The following DCUN1D1 variants were observed in gnomAD, a reference collection of about 807,000 sequenced individuals.
DCUN1D1 encodes DCN1-like protein 1.
Under a neutral mutation model 39.0 loss-of-function variants are expected in DCUN1D1, and 3 were observed. The ratio of observed to expected loss-of-function variants is 0.08; its 90% CI spans 0.04 to 0.20. The LOEUF (loss-of-function observed/expected upper bound fraction) is 0.20. DCUN1D1 is among the 10% of genes least tolerant of loss of function. The pLI is 1.00. For synonymous variants in DCUN1D1, 82 were observed against 96.3 expected (o/e 0.85, Z 0.87); for missense variants, 158 against 302.4 (o/e 0.52, Z 3.54).
At chr3:182,976,867 A>G (rs1307554472) in intron 1 of DCUN1D1, among the ~76,000 whole-genome samples, 1 of 152,226 alleles carries the variant, frequency 6.6e-6, no homozygotes, top group Non-Finnish European at 1.5e-5. Flanking sequence ...AACCTCCTTT[A>G]TTTGTAGACA....
chr3:182,984,618 A>T (rs1728667271), upstream of DCUN1D1, among the ~76,000 whole-genome samples: 1 of 151,998 alleles, frequency 6.6e-6, no homozygotes, highest in South Asian at 2.1e-4. Flanking sequence ...CAACACATAC[A>T]CACACACTCC....
At chr3:182,947,198 G>A (rs944387341) in intron 6 of DCUN1D1, 40 bp downstream of exon 6, 4 of 1,090,170 alleles carry the variant, frequency 3.7e-6, no homozygotes, top group East Asian at 2.5e-5. Context: ...GGATAAAAAG[G>A]CACATTAAAA....
At chr3:182,973,683 T>G (rs1278516323) in intron 1 of DCUN1D1, among the ~76,000 whole-genome samples, 2 of 151,796 alleles carry the variant, frequency 1.3e-5, no homozygotes, top group Non-Finnish European at 2.9e-5. Flanking sequence ...GGCGTGCGCC[T>G]GTAACCCCAG....
chr3:182,940,386 ATTGT>A lies in DCUN1D1; in HGVS notation c.*4704_*4707del, dbSNP rs1254485519. ...GCTGCCCCTAAGTTTCAAACACTTC[ATTGT>A]TTCCAATCAGGCTTTGTTTTTACGA... On this transcript the variant is annotated 3_prime_UTR_variant, in exon 7 of 7. Transcript: ENST00000292782. The A allele has an allele frequency of 2.0e-5, 3 of 152,228 alleles. No homozygotes were observed. The East Asian group carries it at 5.8e-4, about 29-fold the overall frequency. The allele number at this position is 152,228 out of a possible 1,614,324, so 9.4% of individuals were successfully genotyped here. A position where few individuals can be genotyped will look rare whatever the true frequency, so the allele number is the denominator to read the frequency against.
chr3:182,974,112 C>A (rs1728088857), intron 1 of DCUN1D1, among the ~76,000 whole-genome samples: 2 of 151,868 alleles, frequency 1.3e-5, no homozygotes, highest in African/African-American at 4.8e-5. Context: ...ATTAGCCGGG[C>A]ATGGTGGCAC....
chr3:182,975,858 A>AC (rs1368926931), intron 1 of DCUN1D1, among the ~76,000 whole-genome samples: 28 of 150,780 alleles, frequency 1.9e-4, no homozygotes, highest in African/African-American at 6.8e-4. Flanking sequence ...TGCTAAAAAA[A>AC]AAAAAAAAAA....
In DCUN1D1 at chr3:182,944,648, A is replaced by G. The variant is rs563003878; in HGVS notation, c.*446T>C. ...CTCTCACTGGAAGTGCTATTAGCAT[A>G]GTCTTTGCAACTAGCCCAAAGCGTA... On this transcript the variant is annotated 3_prime_UTR_variant, in exon 7 of 7. Transcript: ENST00000292782. The G allele has an allele frequency of 1.1e-3, 170 of 154,076 alleles. No homozygotes were observed. The highest frequency in any genetic ancestry group is 5.2e-4 in the Non-Finnish European group (36 of 69,004). 9.5% of individuals were successfully genotyped at this position (154,076 alleles called of 1,614,324 possible).
Position 182,980,491 on chromosome 3 carries a change from T to C in DCUN1D1, c.-2A>G. ...CGGGCGGCCGCAGTGCCTCACCATGTTGGTGTCCTCCAGGCCTCTCCCCTC... is the reference window on the plus strand; with the variant it reads ...CGGGCGGCCGCAGTGCCTCACCATGCTGGTGTCCTCCAGGCCTCTCCCCTC... On this transcript the variant is annotated 5_prime_UTR_variant, in exon 1 of 7. Transcript: ENST00000292782. 1.1e-5 allele frequency: 13 copies of C among 1,231,348 alleles called. No individual in the cohort carries two copies. The highest frequency in any genetic ancestry group is 1.3e-5 in the Non-Finnish European group (13 of 966,332). 76.3% of individuals were successfully genotyped at this position (1,231,348 alleles called of 1,614,324 possible).
At chr3:182,961,470 A>T in intron 3 of DCUN1D1, 114 bp from the exon 4 acceptor site, 2 of 972,336 alleles carry the variant, frequency 2.1e-6, no homozygotes, top group Non-Finnish European at 3.1e-6. Context: ...TTAAAAATCA[A>T]ATAGTTCGAA....
At chr3:182,967,233 T>C (rs574003883) in intron 1 of DCUN1D1, among the ~76,000 whole-genome samples, 22 of 151,274 alleles carry the variant, frequency 1.5e-4, no homozygotes, top group Middle Eastern at 3.5e-3. Flanking sequence ...ATCGTAAACA[T>C]CAACTTCCAG....
intron 2 of DCUN1D1, among the ~76,000 whole-genome samples, chr3:182,964,373 T>C (rs758740582): frequency 6.6e-6 from 1 of 152,224 alleles, no homozygotes; most frequent in Non-Finnish European, 1.5e-5. Context: ...AAGATATCCA[T>C]ATTTTGCTTA....
chr3:182,974,523 A>ATATAGT lies in DCUN1D1; in HGVS notation c.3+5963_3+5964insACTATA, dbSNP rs1341003156. ...ATGAAAAATTAAATGAGATTTTTAA[A>ATATAGT]ATTCCACGGTTAAGTTCTAACATAC... is the stretch of plus-strand genomic sequence containing the variant. On this transcript the variant is annotated intron_variant, in intron 1 of 6. Transcript: ENST00000292782. 1.9e-3 allele frequency among the ~76,000 whole-genome samples: 291 copies of ATATAGT among 151,870 alleles called. 1 individual carries two copies. Among genetic ancestry groups the ATATAGT allele is most frequent in the African/African-American group, 7.0e-3 (289 of 41,538 alleles).
At chr3:182,954,460 G>A (rs141128657) in intron 4 of DCUN1D1, among the ~76,000 whole-genome samples, 31 of 152,312 alleles carry the variant, frequency 2.0e-4, no homozygotes, top group African/African-American at 6.7e-4. Context: ...ACTCTGGGAA[G>A]AAAGATGAGC....
At chr3:182,967,532 T>C (rs1727735028) in intron 1 of DCUN1D1, among the ~76,000 whole-genome samples, 1 of 152,226 alleles carries the variant, frequency 6.6e-6, no homozygotes, top group Non-Finnish European at 1.5e-5. Context: ...GAATCTGATG[T>C]CAGCCACACT....
At chr3:182,970,880 C>T (rs532694457) in intron 1 of DCUN1D1, among the ~76,000 whole-genome samples, 1 of 152,320 alleles carries the variant, frequency 6.6e-6, no homozygotes, top group East Asian at 1.9e-4. Context: ...CAATAGACTA[C>T]AGGTCCGAAG....
chr3:182,951,705 T>C (rs1486293616), intron 4 of DCUN1D1, among the ~76,000 whole-genome samples: 5 of 148,596 alleles, frequency 3.4e-5, no homozygotes, highest in Non-Finnish European at 7.5e-5. Context: ...TCTTTTTTTT[T>C]TTTTTTTTGA....
chr3:182,947,378 G>T (rs769213657), intron 5 of DCUN1D1, 44 bp from the exon 6 acceptor site: 1 of 1,368,208 alleles, frequency 7.3e-7, no homozygotes, highest in South Asian at 1.3e-5. Context: ...TCACTAAAAA[G>T]AGCTGCACAA....
chr3:182,954,808 T>C (rs1726945205), intron 4 of DCUN1D1, among the ~76,000 whole-genome samples: 1 of 152,200 alleles, frequency 6.6e-6, no homozygotes, highest in South Asian at 2.1e-4. Context: ...TTTTTGAGGC[T>C]AGCAATATAA....
rs552693601 is a variant in DCUN1D1, at chr3:182,941,257, T to C, written c.*3837A>G. The C allele has an allele frequency of 3.3e-5, 5 of 152,250 alleles. No homozygotes were observed. In the South Asian group the frequency reaches 6.2e-4, roughly 19 times the overall value. 9.4% of individuals were successfully genotyped at this position (152,250 alleles called of 1,614,324 possible). ...TGGCAACAAATAGCAAAGATAAACC[T>C]GGAAAAGGGCATTTGTACTATTAGG... On this transcript the variant is annotated 3_prime_UTR_variant, in exon 7 of 7. Coordinates refer to ENST00000292782, the MANE Select transcript of DCUN1D1 (RefSeq NM_020640.4).
Sources: gnomAD v4.1 joint callset for allele counts (sites outside exome capture counted in the v4.1 genomes callset) on GRCh38, gnomAD v4.1.1 for gene constraint, MANE v1.5 for transcripts, NCBI Gene and HGNC (gene_info 2026-07-23, HGNC 2026-07-21) for gene names.